Variants in CTXND2 observed in about 807,000 individuals in gnomAD.
The protein encoded by CTXND2 is cortexin domain containing 2.
intron 1 of CTXND2, among the ~76,000 whole-genome samples, chr1:150,890,041 G>A (rs1668827707): frequency 6.6e-6 from 1 of 152,086 alleles, no homozygotes; most frequent in South Asian, 2.1e-4. Context: ...TCAAGGTTCA[G>A]TATGGTCCTG....
At chr1:150,900,925 G>T (rs1669011230) in intron 1 of CTXND2, among the ~76,000 whole-genome samples, 1 of 152,066 alleles carries the variant, frequency 6.6e-6, no homozygotes, top group South Asian at 2.1e-4. Flanking sequence ...GACCAGCTTG[G>T]GCAAAATGGT....
At chr1:150,891,580 C>G (rs1315229076) in intron 1 of CTXND2, among the ~76,000 whole-genome samples, 2 of 152,164 alleles carry the variant, frequency 1.3e-5, no homozygotes, top group Non-Finnish European at 2.9e-5. Context: ...TCCAATGGCT[C>G]CCCACTGATT....
At position 150,905,716 on chromosome 1, in the gene CTXND2, C is replaced by T. The variant is rs186482598; in HGVS notation, c.-73-6526C>T. On this transcript the variant is annotated intron_variant, in intron 1 of 1. Coordinates refer to ENST00000636087, the Ensembl canonical transcript of CTXND2. The stretch of plus-strand genomic sequence containing the variant: ...AGTATATATAAAGAATAAGGCCGGG[C>T]GCAGTGGCTCACGCCTGTAATCCCA... 6.8e-3 allele frequency among the ~76,000 whole-genome samples: 1,028 copies of T among 152,176 alleles called. 8 individuals carry two copies. The highest frequency in any genetic ancestry group is 0.011 in the Non-Finnish European group (744 of 68,004).
chr1:150,902,362 G>T (rs1669054044), intron 1 of CTXND2, among the ~76,000 whole-genome samples: 1 of 151,766 alleles, frequency 6.6e-6, no homozygotes, highest in East Asian at 1.9e-4. Flanking sequence ...AGCTGAGATT[G>T]GGCCACTGCA....
chr1:150,898,979 T>A (rs1668955022), intron 1 of CTXND2, among the ~76,000 whole-genome samples: 1 of 149,600 alleles, frequency 6.7e-6, no homozygotes, highest in Admixed American at 6.7e-5. Context: ...GCGCCTGTTG[T>A]CCCAGCTACT....
At chr1:150,909,953 G>A (rs1263455750) in intron 1 of CTXND2, among the ~76,000 whole-genome samples, 1 of 152,118 alleles carries the variant, frequency 6.6e-6, no homozygotes, top group Non-Finnish European at 1.5e-5. Flanking sequence ...TGACCAATGA[G>A]GGGTCTTGCA....
intron 1 of CTXND2, among the ~76,000 whole-genome samples, chr1:150,900,752 CGAG>C (rs1461271945): frequency 3.3e-5 from 5 of 151,832 alleles, no homozygotes; most frequent in Non-Finnish European, 5.9e-5. Context: ...ATTTAAAAAT[CGAG>C]GGGAGAAGGA....
chr1:150,896,562 C>G (rs1197795511), intron 1 of CTXND2, among the ~76,000 whole-genome samples: 1 of 152,078 alleles, frequency 6.6e-6, no homozygotes, highest in Non-Finnish European at 1.5e-5. Context: ...TCTTTATTTC[C>G]TCACTGTCCT....
chr1:150,895,931 C>T (rs1293822755), intron 1 of CTXND2, among the ~76,000 whole-genome samples: 1 of 152,192 alleles, frequency 6.6e-6, no homozygotes, highest in Non-Finnish European at 1.5e-5. Context: ...CAGCATTGCC[C>T]TAACCAGACT....
intron 1 of CTXND2, among the ~76,000 whole-genome samples, chr1:150,909,479 C>T (rs1364834168): frequency 6.6e-6 from 1 of 152,002 alleles, no homozygotes; most frequent in Non-Finnish European, 1.5e-5. Context: ...ATCAATTTAG[C>T]CTGGGAGGTC....
chr1:150,912,823 G>A (rs968387638), exon 2 of CTXND2: 7 of 179,950 alleles, frequency 3.9e-5, no homozygotes, highest in African/African-American at 1.6e-4. Flanking sequence ...AGAGGTGGCA[G>A]ACTTGAATGA....
chr1:150,901,730 C>G (rs1388899527), intron 1 of CTXND2, among the ~76,000 whole-genome samples: 2 of 151,424 alleles, frequency 1.3e-5, no homozygotes, highest in Non-Finnish European at 2.9e-5. Context: ...CTGGCTAACA[C>G]AGTGAAACCG....
At chr1:150,890,389 A>G (rs1668831715) in intron 1 of CTXND2, among the ~76,000 whole-genome samples, 1 of 152,234 alleles carries the variant, frequency 6.6e-6, no homozygotes, top group African/African-American at 2.4e-5. Context: ...GCCAGGAGAC[A>G]GTCAGTGCCC....
intron 1 of CTXND2, among the ~76,000 whole-genome samples, chr1:150,902,466 G>C (rs1669056942): frequency 2.0e-5 from 3 of 152,202 alleles, no homozygotes; most frequent in Admixed American, 2.0e-4. Flanking sequence ...TACTTGGGAG[G>C]CTAAGGCAGG....
At chr1:150,901,482 TG>T (rs1168726444) in intron 1 of CTXND2, among the ~76,000 whole-genome samples, 1 of 152,226 alleles carries the variant, frequency 6.6e-6, no homozygotes, top group Non-Finnish European at 1.5e-5. Context: ...TCACATGTTA[TG>T]ATTTCAAAAC....
At chr1:150,892,665 A>G (rs1258185614) in intron 1 of CTXND2, among the ~76,000 whole-genome samples, 6 of 151,660 alleles carry the variant, frequency 4.0e-5, no homozygotes, top group Admixed American at 4.0e-4. Flanking sequence ...CAGCCTCCCA[A>G]GTAGCTGGGA....
intron 1 of CTXND2, chr1:150,903,890 T>C (rs1280861051): frequency 4.9e-6 from 3 of 614,108 alleles, no homozygotes; most frequent in Admixed American, 1.9e-5. Flanking sequence ...AAAAAGAGAA[T>C]TAAATATGGG....
At chr1:150,908,496 C>T (rs1221137550) in intron 1 of CTXND2, among the ~76,000 whole-genome samples, 3 of 152,068 alleles carry the variant, frequency 2.0e-5, no homozygotes, top group Non-Finnish European at 2.9e-5. Context: ...TTTCCATTTC[C>T]CTGATGACTA....
intron 1 of CTXND2, among the ~76,000 whole-genome samples, chr1:150,905,071 C>T (rs1373337623): frequency 6.8e-6 from 1 of 146,154 alleles, no homozygotes; most frequent in Non-Finnish European, 1.5e-5. Context: ...ACCACACACA[C>T]ACACACACAC....
Sources: gnomAD v4.1 joint callset for allele counts (sites outside exome capture counted in the v4.1 genomes callset) on GRCh38, gnomAD v4.1.1 for gene constraint, MANE v1.5 for transcripts, NCBI Gene and HGNC (gene_info 2026-07-23, HGNC 2026-07-21) for gene names.